The following RBM10 variants were observed in gnomAD, a reference collection of about 807,000 sequenced individuals.
RBM10 encodes RNA binding motif protein 10, also known as RNA-binding protein 10.
In RBM10, 1 loss-of-function variant was observed where a neutral mutation model predicts 84.9. That is an observed-to-expected ratio of 0.01 (90% CI 0.00 to 0.06). RBM10 has a LOEUF of 0.06. RBM10 is among the 10% of genes least tolerant of loss of function. The pLI is 1.00. For missense variants in RBM10, 438 were observed against 839.0 expected, an observed-to-expected ratio of 0.52 and a Z score of 5.90; for synonymous variants, 326 against 344.5, an observed-to-expected ratio of 0.95 and a Z score of 0.60.
intron 17 of RBM10, among the ~76,000 whole-genome samples, chrX:47,184,314 A>G (rs1474654565): frequency 9.1e-6 from 1 of 110,366 alleles, no homozygotes; most frequent in African/African-American, 3.3e-5. Context: ...TTTTTTTAGT[A>G]GAGCTGGGGT....
At chrX:47,185,874 C>A in intron 21 of RBM10, 84 bp downstream of exon 21, 1 of 1,181,371 alleles carries the variant, frequency 8.5e-7, no homozygotes, top group African/African-American at 1.7e-5. Context: ...TTCAATTTCT[C>A]ACGTGTTAAC....
intron 2 of RBM10, among the ~76,000 whole-genome samples, chrX:47,155,379 A>G (rs782221691): frequency 9.0e-6 from 1 of 110,915 alleles, no homozygotes; most frequent in Non-Finnish European, 1.9e-5. Context: ...TTTGTTACTT[A>G]TCTTTATGGT....
chrX:47,179,763 G>A, intron 9 of RBM10, 117 bp from the exon 10 acceptor site: 1 of 969,102 alleles, frequency 1.0e-6, no homozygotes, highest in Non-Finnish European at 1.4e-6. Flanking sequence ...GAGGGAAGCG[G>A]CAGTTGCAAA....
intron 2 of RBM10, among the ~76,000 whole-genome samples, chrX:47,168,531 G>T (rs1934399753): frequency 9.0e-6 from 1 of 110,965 alleles, no homozygotes; most frequent in Non-Finnish European, 1.9e-5. Flanking sequence ...CTGGGCAACA[G>T]TGCCAGATCC....
Position 47,169,361 on chromosome X carries a change from T to C in RBM10, c.64T>C (p.Ser22Pro), listed in dbSNP as rs2147128005. ...TGGCCGCTATGGAGCCACTGACCGC[T>C]CGCAGGATGATGGTGGGGAGAACCG... is the stretch of plus-strand genomic sequence containing the variant. Reference protein sequence around the residue: ...RTGRYGATDRSQDDGGENRSR... With the variant: ...RTGRYGATDRPQDDGGENRSR... Residue 22 changes from serine to proline, a missense_variant, in exon 3 of 24, where the codon TCG (serine) becomes CCG (proline). Ser to Pro is a moderately conservative substitution (Grantham distance 74). Coordinates refer to ENST00000377604, the MANE Select transcript of RBM10 (RefSeq NM_005676.5). 1 of 1,211,649 alleles carries C rather than the reference T, an allele frequency of 8.3e-7. No homozygotes were observed.
Position 47,175,008 on chromosome X carries a change from G to A in RBM10, c.503-11G>A, listed in dbSNP as rs2147150176. On this transcript the variant is annotated splice_polypyrimidine_tract_variant and intron_variant, in intron 5 of 23. Coordinates refer to ENST00000377604, the MANE Select transcript of RBM10 (RefSeq NM_005676.5). ...TAACCCACTGCGTCTGTATCTGAAT[G>A]CTGTCTCCAGGTCAGAGCCGGGGCT... The A allele has an allele frequency of 8.3e-7, 1 of 1,206,688 alleles. No homozygotes were observed. Among genetic ancestry groups the A allele is most frequent in the Non-Finnish European group, 1.1e-6 (1 of 891,717 alleles).
At chrX:47,185,413 G>A (rs782523834) in intron 19 of RBM10, 29 bp from the exon 20 acceptor site, 4 of 1,175,099 alleles carry the variant, frequency 3.4e-6, no homozygotes, top group Admixed American at 5.0e-5. Context: ...ATCTGGCCAG[G>A]CCTGACCGCC....
At chrX:47,150,665 T>TC (rs1433257696) in intron 2 of RBM10, among the ~76,000 whole-genome samples, 9 of 112,198 alleles carry the variant, frequency 8.0e-5, no homozygotes, top group African/African-American at 2.9e-4. Flanking sequence ...TGTACATGGA[T>TC]CCGTCTTGAG....
intron 2 of RBM10, among the ~76,000 whole-genome samples, chrX:47,167,520 C>CGG (rs1238531872): frequency 5.4e-5 from 6 of 110,662 alleles, no homozygotes; most frequent in Non-Finnish European, 1.1e-4. Flanking sequence ...TATGCCACCA[C>CGG]ACCCAGCTAA....
chrX:47,174,033 A>G (rs1389033263), intron 5 of RBM10, among the ~76,000 whole-genome samples: 1 of 97,733 alleles, frequency 1.0e-5, no homozygotes, highest in African/African-American at 3.9e-5. Flanking sequence ...AACATTAAGC[A>G]TGCCCCCCCA....
chrX:47,155,230 C>T (rs1043341126), intron 2 of RBM10, among the ~76,000 whole-genome samples: 20 of 109,424 alleles, frequency 1.8e-4, no homozygotes, highest in African/African-American at 5.3e-4. Flanking sequence ...CAGCAGTATC[C>T]CCATTACCTA....
chrX:47,167,580 T>G (rs1934331301), intron 2 of RBM10, among the ~76,000 whole-genome samples: 1 of 111,458 alleles, frequency 9.0e-6, no homozygotes, highest in Non-Finnish European at 1.9e-5. Flanking sequence ...GCCAGGCTGG[T>G]CTCGAATTCC....
At chrX:47,148,404 T>A (rs1932477189) in intron 2 of RBM10, among the ~76,000 whole-genome samples, 1 of 111,973 alleles carries the variant, frequency 8.9e-6, no homozygotes, top group Non-Finnish European at 1.9e-5. Context: ...TCAAACTTTA[T>A]TACCAAGTAA....
chrX:47,159,700 C>CA (rs782159816), intron 2 of RBM10, among the ~76,000 whole-genome samples: 1 of 111,529 alleles, frequency 9.0e-6, no homozygotes, highest in Admixed American at 9.6e-5. Context: ...TGATCTTTGA[C>CA]AAAATCAACA....
At chrX:47,157,517 G>T in intron 2 of RBM10, 1 of 411,414 alleles carries the variant, frequency 2.4e-6, no homozygotes. Context: ...GCAGCAAGCA[G>T]ATCCTGCCGC....
chrX:47,179,643 A>T lies in RBM10; in HGVS notation c.901+148A>T, dbSNP rs1935382540. ...CATTTGATGTAGGGAGAACAGGGGGAGTGGCAACATCCCACCTGACTTTGG... is the reference window on the plus strand; with the variant it reads ...CATTTGATGTAGGGAGAACAGGGGGTGTGGCAACATCCCACCTGACTTTGG... On this transcript the variant is annotated intron_variant, in intron 9 of 23. Transcript: ENST00000377604. 3 of 785,322 alleles carry T rather than the reference A, an allele frequency of 3.8e-6. No homozygotes were observed. The East Asian group carries it at 1.0e-4, about 27-fold the overall frequency. 64.7% of individuals were successfully genotyped at this position (785,322 alleles called of 1,213,427 possible).
At chrX:47,183,173 A>G (rs2147203148) in intron 17 of RBM10, among the ~76,000 whole-genome samples, 1 of 110,637 alleles carries the variant, frequency 9.0e-6, no homozygotes, top group Non-Finnish European at 1.9e-5. Context: ...ATTGGGCCAA[A>G]CTCCCCCTTT....
In RBM10 at chrX:47,171,177, G is replaced by T. The variant is rs782706875; in HGVS notation, c.351G>T (p.Glu117Asp). Residue 117 changes from glutamate to aspartate, a missense_variant, in exon 4 of 24, where the codon GAG (glutamate) becomes GAT (aspartate). Glu to Asp is a conservative substitution (Grantham distance 45). Coordinates refer to ENST00000377604, the MANE Select transcript of RBM10 (RefSeq NM_005676.5). ...CCGAGCAAGGGGAGGAGGAGGAGGA[G>T]GAGGAGGATGAGGAGGAGGAGGAGA... Reference protein sequence around the residue: ...YRTEQGEEEEEEEDEEEEEKA... With the variant: ...YRTEQGEEEEDEEDEEEEEKA... 1 of 1,208,753 alleles carries T rather than the reference G, an allele frequency of 8.3e-7. No individual in the cohort carries two copies. The highest frequency in any genetic ancestry group is 1.1e-6 in the Non-Finnish European group (1 of 894,334).
At chrX:47,186,430 C>T (rs1935916902) in intron 23 of RBM10, 43 bp downstream of exon 23, 1 of 1,200,141 alleles carries the variant, frequency 8.3e-7, no homozygotes, top group African/African-American at 1.7e-5. Context: ...GCACCCCTCA[C>T]AGCATCCCCC....
Sources: allele counts gnomAD v4.1 joint callset (sites outside exome capture counted in the v4.1 genomes callset), GRCh38; gene constraint gnomAD v4.1.1; transcripts MANE v1.5; gene names NCBI Gene and HGNC (gene_info 2026-07-23, HGNC 2026-07-21).